PTPRM: variants seen among roughly 807,000 people sequenced by gnomAD.
PTPRM encodes the protein protein tyrosine phosphatase receptor type M, also known as receptor-type tyrosine-protein phosphatase mu.
PTPRM carries 47 observed loss-of-function variants against 186.7 expected under a neutral mutation model. That is an observed-to-expected ratio of 0.25 (90% CI 0.20 to 0.32). PTPRM has a LOEUF of 0.32. Ranked by LOEUF, PTPRM falls within the 10% of genes least tolerant of loss-of-function variation. The pLI is 1.00. For missense variants in PTPRM, 1,494 were observed against 1,865.0 expected, an observed-to-expected ratio of 0.80 and a Z score of 3.66; for synonymous variants, 668 against 674.9, an observed-to-expected ratio of 0.99 and a Z score of 0.16.
At chr18:8,036,754 C>A (rs1293354241) in intron 7 of PTPRM, among the ~76,000 whole-genome samples, 6 of 152,130 alleles carry the variant, frequency 3.9e-5, no homozygotes, top group African/African-American at 1.4e-4. Context: ...TACCTGAGCT[C>A]CTGCAACATT....
intron 1 of PTPRM, among the ~76,000 whole-genome samples, chr18:7,725,451 A>G (rs2040528385): frequency 6.6e-6 from 1 of 152,058 alleles, no homozygotes; most frequent in South Asian, 2.1e-4. Flanking sequence ...CCCTATCCTC[A>G]AGCCAAAGAG....
chr18:8,354,212 TAA>T (rs3049398), intron 23 of PTPRM, among the ~76,000 whole-genome samples: 1 of 143,972 alleles, frequency 6.9e-6, no homozygotes, highest in African/African-American at 2.6e-5. Flanking sequence ...GATTCCGTCT[TAA>T]AAAAAAAAAA....
Position 8,378,779 on chromosome 18 carries a change from A to C in PTPRM, c.3612+365A>C, listed in dbSNP as rs996325130. Among the ~76,000 whole-genome samples, 9 of 152,164 alleles carry C rather than the reference A, an allele frequency of 5.9e-5. No homozygotes were observed. In the East Asian group the frequency reaches 1.4e-3, roughly 23 times the overall value. ...AGTTACACCATGGAAGTGTGTGTTC[A>C]GACTTTCCAACCAAGAGCTCTCCAT... On this transcript the variant is annotated intron_variant, in intron 27 of 32. Transcript: ENST00000580170.
At chr18:8,185,107 CA>C (rs1192106622) in intron 14 of PTPRM, among the ~76,000 whole-genome samples, 1 of 151,940 alleles carries the variant, frequency 6.6e-6, no homozygotes, top group Non-Finnish European at 1.5e-5. Flanking sequence ...GTATATTTTA[CA>C]TGCAAAGATA....
intron 14 of PTPRM, among the ~76,000 whole-genome samples, chr18:8,189,130 A>G (rs922793230): frequency 2.0e-5 from 3 of 151,852 alleles, no homozygotes; most frequent in Non-Finnish European, 4.4e-5. Flanking sequence ...ACAAGACCCC[A>G]TCTCTACAAA....
intron 23 of PTPRM, among the ~76,000 whole-genome samples, chr18:8,350,649 A>C (rs1002522611): frequency 6.6e-6 from 1 of 152,142 alleles, no homozygotes; most frequent in Non-Finnish European, 1.5e-5. Flanking sequence ...CACACCACTC[A>C]TCTGTTCAGA....
intron 22 of PTPRM, among the ~76,000 whole-genome samples, chr18:8,320,370 A>G (rs2095338236): frequency 6.6e-6 from 1 of 152,184 alleles, no homozygotes; most frequent in African/African-American, 2.4e-5. Flanking sequence ...GATGAGTCAT[A>G]GCTTAGGAAA....
At chr18:7,695,653 A>G (rs1424452842) in intron 1 of PTPRM, among the ~76,000 whole-genome samples, 1 of 152,198 alleles carries the variant, frequency 6.6e-6, no homozygotes, top group African/African-American at 2.4e-5. Context: ...TTTAGTTTTC[A>G]TCTACCTCAG....
chr18:8,285,607 A>G (rs544799322), intron 19 of PTPRM, among the ~76,000 whole-genome samples: 67 of 152,336 alleles, frequency 4.4e-4, no homozygotes, highest in African/African-American at 1.6e-3. Flanking sequence ...TCAGGCTCCG[A>G]AGTAGTCAAG....
intron 22 of PTPRM, among the ~76,000 whole-genome samples, chr18:8,333,416 C>T (rs1287118892): frequency 6.6e-6 from 1 of 152,030 alleles, no homozygotes; most frequent in Admixed American, 6.6e-5. Context: ...CATATTTTAC[C>T]GTTTACATCT....
rs554954262 is a variant in PTPRM, at chr18:7,718,075, A to G, written c.74-56074A>G. On this transcript the variant is annotated intron_variant, in intron 1 of 32. Coordinates refer to ENST00000580170, the MANE Select transcript of PTPRM (RefSeq NM_001105244.2). ...AGTTAGAAAAAAAAAATTTAAATTC[A>G]TATGGAACCAAAAAAAAAGCCTGAA... 6.8e-4 allele frequency among the ~76,000 whole-genome samples: 104 copies of G among 151,984 alleles called. 1 individual carries two copies. In the South Asian group the frequency reaches 0.021, roughly 30 times the overall value.
intron 24 of PTPRM, among the ~76,000 whole-genome samples, chr18:8,371,559 T>A (rs1222973309): frequency 6.6e-6 from 1 of 152,188 alleles, no homozygotes; most frequent in African/African-American, 2.4e-5. Flanking sequence ...CATGGGACAC[T>A]CTTGCATGAA....
intron 1 of PTPRM, among the ~76,000 whole-genome samples, chr18:7,669,334 G>A (rs1405178392): frequency 6.6e-6 from 1 of 152,132 alleles, no homozygotes. Flanking sequence ...CACACATGTG[G>A]CTTGGGTGTT....
At chr18:7,865,024 T>C (rs2047606216) in intron 2 of PTPRM, among the ~76,000 whole-genome samples, 1 of 152,212 alleles carries the variant, frequency 6.6e-6, no homozygotes, top group African/African-American at 2.4e-5. Context: ...ATAGGAATGC[T>C]TGTGATTTTT....
At chr18:7,653,128 T>C (rs1200717893) in intron 1 of PTPRM, among the ~76,000 whole-genome samples, 1 of 147,806 alleles carries the variant, frequency 6.8e-6, no homozygotes, top group East Asian at 2.0e-4. Flanking sequence ...TTTATTATTA[T>C]TATTATTATT....
intron 1 of PTPRM, among the ~76,000 whole-genome samples, chr18:7,603,198 G>A (rs908453333): frequency 1.3e-5 from 2 of 152,044 alleles, no homozygotes; most frequent in Admixed American, 1.3e-4. Context: ...AAAGTGCTGG[G>A]ATTACAGGTG....
chr18:8,363,787 G>A (rs925968742), intron 23 of PTPRM, among the ~76,000 whole-genome samples: 4 of 151,760 alleles, frequency 2.6e-5, no homozygotes, highest in African/African-American at 7.3e-5. Flanking sequence ...AGGTAAGAGA[G>A]AAAAGTAACA....
At chr18:7,950,676 T>C (rs571485109) in intron 6 of PTPRM, among the ~76,000 whole-genome samples, 1 of 152,276 alleles carries the variant, frequency 6.6e-6, no homozygotes, top group Admixed American at 6.5e-5. Flanking sequence ...TAGTGAGCAA[T>C]GGGTGCTTGA....
rs1276996138 is a variant in PTPRM at position 8,240,673 on chromosome 18, G to A, written c.2301-3385G>A. On this transcript the variant is annotated intron_variant, in intron 14 of 32. Coordinates refer to ENST00000580170, the MANE Select transcript of PTPRM (RefSeq NM_001105244.2). ...AGAGAGAAAGAAAGAAAGAAAGAAA[G>A]AAAGAAAAAGAAAGAGAGAAAGAGA... Among the ~76,000 whole-genome samples, 668 of 76,956 alleles carry A rather than the reference G, an allele frequency of 8.7e-3. 58 individuals are homozygous for A. Among genetic ancestry groups the A allele is most frequent in the African/African-American group, 0.034 (631 of 18,330 alleles). 50.5% of individuals were successfully genotyped at this position (76,956 alleles called of 152,430 possible).
Sources: gnomAD v4.1 joint callset for allele counts (sites outside exome capture counted in the v4.1 genomes callset) on GRCh38, gnomAD v4.1.1 for gene constraint, MANE v1.5 for transcripts, NCBI Gene and HGNC (gene_info 2026-07-23, HGNC 2026-07-21) for gene names.